TJP1: variants seen among roughly 807,000 people sequenced by gnomAD.
TJP1 encodes tight junction protein ZO-1.
In TJP1, 43 loss-of-function variants were observed where a neutral mutation model predicts 194.2. The ratio of observed to expected loss-of-function variants is 0.22; its 90% CI spans 0.17 to 0.29. The LOEUF (loss-of-function observed/expected upper bound fraction) is 0.29, where lower values mean the gene tolerates loss of function less well. TJP1 is among the 10% of genes least tolerant of loss of function. The pLI is 1.00. For missense variants in TJP1, 1,971 were observed against 2,185.7 expected, an observed-to-expected ratio of 0.90 and a Z score of 1.96; for synonymous variants, 801 against 779.0, an observed-to-expected ratio of 1.03 and a Z score of -0.47.
intron 2 of TJP1, among the ~76,000 whole-genome samples, chr15:29,895,434 C>A (rs2053446540): frequency 6.6e-6 from 1 of 152,214 alleles, no homozygotes; most frequent in Non-Finnish European, 1.5e-5. Flanking sequence ...CCAAACACAA[C>A]TTAGTTAAGT....
At chr15:29,909,591 G>A (rs909035929) in intron 2 of TJP1, among the ~76,000 whole-genome samples, 4 of 151,998 alleles carry the variant, frequency 2.6e-5, no homozygotes, top group African/African-American at 7.2e-5. Flanking sequence ...GAGTCAAAAC[G>A]AAGTTCACTT....
chr15:29,722,572 G>GATCC (rs1293830093), intron 18 of TJP1, among the ~76,000 whole-genome samples: 1 of 152,204 alleles, frequency 6.6e-6, no homozygotes, highest in Non-Finnish European at 1.5e-5. Flanking sequence ...AGCCCTCATG[G>GATCC]AGCACCTCCA....
At chr15:29,852,427 G>C (rs1278580050) in intron 2 of TJP1, among the ~76,000 whole-genome samples, 1 of 152,194 alleles carries the variant, frequency 6.6e-6, no homozygotes, top group Non-Finnish European at 1.5e-5. Context: ...CTGCATACCT[G>C]TCAGTGTCAT....
intron 2 of TJP1, among the ~76,000 whole-genome samples, chr15:29,937,834 G>A (rs1310204285): frequency 2.0e-5 from 3 of 152,092 alleles, no homozygotes; most frequent in African/African-American, 7.2e-5. Flanking sequence ...AAGTACAAAG[G>A]CAAGCATTTC....
intron 2 of TJP1, among the ~76,000 whole-genome samples, chr15:29,777,277 T>C (rs955674958): frequency 5.9e-5 from 9 of 152,198 alleles, no homozygotes; most frequent in Admixed American, 2.6e-4. Flanking sequence ...CTGCCTTGAT[T>C]TGGGCTACAA....
chr15:29,957,897 C>A (rs2056008197), intron 1 of TJP1, among the ~76,000 whole-genome samples: 2 of 152,088 alleles, frequency 1.3e-5, no homozygotes, highest in South Asian at 4.1e-4. Flanking sequence ...TGGGGGAGTC[C>A]TTAAATACAA....
rs1040823031 is a variant in TJP1 at position 29,746,455 on chromosome 15, G to A, written c.1011-3674C>T. Reference sequence around the variant, plus strand: ...CACAGATTACAGAATACATATAGCAGGATACCATATAGCTATTTAAAAACT... The same window carrying A: ...CACAGATTACAGAATACATATAGCAAGATACCATATAGCTATTTAAAAACT... On this transcript the variant is annotated intron_variant, in intron 8 of 27. Coordinates refer to ENST00000614355, the MANE Select transcript of TJP1 (RefSeq NM_001330239.4). Among the ~76,000 whole-genome samples, 6 of 151,450 alleles carry A rather than the reference G, an allele frequency of 4.0e-5. No individual in the cohort carries two copies. In the East Asian group the frequency reaches 9.7e-4, roughly 24 times the overall value.
intron 22 of TJP1, 109 bp downstream of exon 22, chr15:29,717,912 C>A: frequency 1.2e-6 from 1 of 861,122 alleles, no homozygotes; most frequent in Non-Finnish European, 1.8e-6. Flanking sequence ...GGACAAACTC[C>A]TCCTATTCAC....
chr15:29,818,344 T>G (rs576239488), intron 1 of TJP1, among the ~76,000 whole-genome samples: 5 of 152,248 alleles, frequency 3.3e-5, no homozygotes, highest in Non-Finnish European at 5.9e-5. Context: ...TAACAATGAT[T>G]CATACCACTT....
chr15:29,926,182 C>T (rs1329588314), intron 2 of TJP1, among the ~76,000 whole-genome samples: 3 of 152,194 alleles, frequency 2.0e-5, no homozygotes, highest in Non-Finnish European at 4.4e-5. Context: ...TTTTAAAGTA[C>T]AGTAAATAAG....
chr15:29,904,336 G>A (rs142954569), intron 2 of TJP1, among the ~76,000 whole-genome samples: 21 of 152,146 alleles, frequency 1.4e-4, no homozygotes, highest in Admixed American at 6.5e-4. Flanking sequence ...AAGGTGGCTC[G>A]GATCACCAAG....
chr15:29,808,978 T>C (rs2049302724), intron 1 of TJP1, among the ~76,000 whole-genome samples: 1 of 152,282 alleles, frequency 6.6e-6, no homozygotes, highest in Non-Finnish European at 1.5e-5. Flanking sequence ...TCCAGTACAG[T>C]AGCCACCAGC....
rs1473368854 is a variant in TJP1, at chr15:29,701,577, G to A, written c.*18C>T. On this transcript the variant is annotated 3_prime_UTR_variant, in exon 28 of 28. Transcript: ENST00000614355. ...TTTAATCCAGTTTCACATTATTTAA[G>A]TTCCTATATTTCAAGAGTTAAAAGT... is the stretch of plus-strand genomic sequence containing the variant. 2.5e-6 allele frequency: 4 copies of A among 1,583,160 alleles called. No homozygotes were observed. Among genetic ancestry groups the A allele is most frequent in the Non-Finnish European group, 3.5e-6 (4 of 1,152,432 alleles).
At chr15:29,877,287 GCT>G (rs2052737607) in intron 2 of TJP1, among the ~76,000 whole-genome samples, 1 of 152,220 alleles carries the variant, frequency 6.6e-6, no homozygotes. Context: ...CGTGATCACG[GCT>G]TACTGCAGCC....
chr15:29,967,531 G>A lies in TJP1; in HGVS notation c.173+1136C>T, dbSNP rs528920416. Among the ~76,000 whole-genome samples the A allele has an allele frequency of 5.3e-5, 8 of 152,310 alleles. No homozygotes were observed. In the East Asian group the frequency reaches 1.4e-3, roughly 26 times the overall value. ...ACAAGATTCTCACTTTACAGAGGAAGAAACAGACACTCCAGGAACTTAAGG... is the reference window on the plus strand; with the variant it reads ...ACAAGATTCTCACTTTACAGAGGAAAAAACAGACACTCCAGGAACTTAAGG... On this transcript the variant is annotated intron_variant, in intron 1 of 28. Transcript: ENST00000356107.
rs201346467 is a variant in TJP1 at position 29,719,870 on chromosome 15, T to C, written c.2910A>G (p.Gln970=). Residue 970 remains glutamine (Q), a synonymous_variant, in exon 20 of 28, where the codon CAA becomes CAG. Coordinates refer to ENST00000614355, the MANE Select transcript of TJP1 (RefSeq NM_001330239.4). The part of the protein sequence containing the change: ...TPAPSTSYSP[Q]ADSLRTPSTE... ...TACTTGGTGTTCTTAAAGAATCAGCTTGTGGTGAGTAAGAGGTGGAAGGAG... is the reference window on the plus strand; with the variant it reads ...TACTTGGTGTTCTTAAAGAATCAGCCTGTGGTGAGTAAGAGGTGGAAGGAG... The C allele has an allele frequency of 2.5e-4, 403 of 1,614,034 alleles. 1 individual carries two copies. The highest frequency in any genetic ancestry group is 1.6e-4 in the Middle Eastern group (1 of 6,084).
At chr15:29,760,866 C>T (rs1056020115) in intron 8 of TJP1, among the ~76,000 whole-genome samples, 1 of 152,126 alleles carries the variant, frequency 6.6e-6, no homozygotes, top group Non-Finnish European at 1.5e-5. Context: ...CATAGTCATG[C>T]CCATTCATTT....
At chr15:29,703,873 C>A (rs1384770233) in intron 27 of TJP1, among the ~76,000 whole-genome samples, 2 of 152,092 alleles carry the variant, frequency 1.3e-5, no homozygotes, top group African/African-American at 4.8e-5. Context: ...GAACTCCTGA[C>A]CTCAGGTAAT....
intron 2 of TJP1, among the ~76,000 whole-genome samples, chr15:29,797,711 T>A (rs1442672192): frequency 6.6e-6 from 1 of 151,860 alleles, no homozygotes; most frequent in Non-Finnish European, 1.5e-5. Flanking sequence ...AACTGGTTAA[T>A]ATCCAAAATA....
Sources: allele counts gnomAD v4.1 joint callset (sites outside exome capture counted in the v4.1 genomes callset), GRCh38; gene constraint gnomAD v4.1.1; transcripts MANE v1.5; gene names NCBI Gene and HGNC (gene_info 2026-07-23, HGNC 2026-07-21).